TMCO5A: variants seen among roughly 807,000 people sequenced by gnomAD.
TMCO5A encodes the protein transmembrane and coiled-coil domain-containing protein 5A.
TMCO5A carries 34 observed loss-of-function variants against 42.3 expected under a neutral mutation model. The observed-to-expected ratio is 0.80, with a 90% confidence interval of 0.61 to 1.07. The LOEUF (loss-of-function observed/expected upper bound fraction) is 1.07. TMCO5A is among the 50% of genes least tolerant of loss of function. The probability of loss-of-function intolerance (pLI) is 0.00; values close to 1 mark genes in which losing one functional copy is unlikely to be tolerated. For synonymous variants in TMCO5A, 131 were observed against 115.6 expected (o/e 1.13, Z -0.86); for missense variants, 357 against 327.9 (o/e 1.09, Z -0.69).
chr15:38,012,803 A>G, the TMCO5A span, among the ~76,000 whole-genome samples: 6 of 152,212 alleles, frequency 3.9e-5, no homozygotes, highest in South Asian at 1.0e-3. Context: ...AAGTCAGGAG[A>G]CAGAAAGAAC....
chr15:37,996,515 C>T, the TMCO5A span, among the ~76,000 whole-genome samples: 1 of 152,180 alleles, frequency 6.6e-6, no homozygotes, highest in Non-Finnish European at 1.5e-5. Context: ...GAATTTAGAT[C>T]TTTCACTTAA....
chr15:37,958,813 T>C (rs1182138197), intron 11 of TMCO5A, among the ~76,000 whole-genome samples: 1 of 152,104 alleles, frequency 6.6e-6, no homozygotes, highest in African/African-American at 2.4e-5. Flanking sequence ...AAAAGACACA[T>C]GCACACGTAT....
rs770118676 is a variant in TMCO5A at position 37,951,196 on chromosome 15, T to C, written c.829T>C (p.Ser277Pro). The C allele has an allele frequency of 6.2e-7, 1 of 1,613,812 alleles. No homozygotes were observed. Among genetic ancestry groups the C allele is most frequent in the Admixed American group, 1.7e-5 (1 of 59,974 alleles). The change falls in exon 12 of 12, where the codon TCT becomes CCT. Residue 277 changes from serine (S) to proline (P), a missense_variant. Coordinates refer to ENST00000319669, the MANE Select transcript of TMCO5A (RefSeq NM_152453.4). ...LWKLRCFFFP[S>P]LTLETEDMLP... ...GAAGCTCAGATGCTTCTTCTTTCCA[T>C]CTCTCACACTTGAGACAGAGGACAT...
chr15:37,942,588 C>T (rs1889786340), intron 9 of TMCO5A: 1 of 218,318 alleles, frequency 4.6e-6, no homozygotes, highest in Non-Finnish European at 9.1e-6. Flanking sequence ...TAGGGTATTC[C>T]TTATATATCA....
At chr15:38,007,160 C>A in the TMCO5A span, among the ~76,000 whole-genome samples, 5 of 152,138 alleles carry the variant, frequency 3.3e-5, no homozygotes, top group Admixed American at 6.5e-5. Flanking sequence ...TGCCCATGAA[C>A]CATAGTTTAC....
chr15:38,036,488 TCTCTCTCTCA>T, the TMCO5A span, among the ~76,000 whole-genome samples: 112 of 81,742 alleles, frequency 1.4e-3, 2 homozygotes, highest in African/African-American at 7.6e-3. Flanking sequence ...TTTTTGTCTC[TCTCTCTCTCA>T]CACACACACA....
rs939275142 is a variant in TMCO5A, at chr15:37,964,001, A to G, written c.669-2624A>G. On this transcript the variant is annotated intron_variant, in intron 11 of 11. Coordinates refer to the TMCO5A transcript ENST00000559502. Reference sequence around the variant, plus strand: ...ACCTCCTGAATTCTTTTTCAGGTAAATCAGAGATTTTTTTTCTTGGTTTGA... The same window carrying G: ...ACCTCCTGAATTCTTTTTCAGGTAAGTCAGAGATTTTTTTTCTTGGTTTGA... 5.3e-5 allele frequency among the ~76,000 whole-genome samples: 8 copies of G among 152,144 alleles called. No homozygotes were observed. In the East Asian group the frequency reaches 9.7e-4, roughly 18 times the overall value.
At chr15:38,000,770 G>C in the TMCO5A span, among the ~76,000 whole-genome samples, 1 of 151,874 alleles carries the variant, frequency 6.6e-6, no homozygotes, top group Admixed American at 6.6e-5. Flanking sequence ...TGACTTGCTG[G>C]TCATTCAGAA....
intron 11 of TMCO5A, among the ~76,000 whole-genome samples, chr15:37,960,930 A>T (rs1890409379): frequency 6.6e-6 from 1 of 151,820 alleles, no homozygotes; most frequent in Admixed American, 6.6e-5. Context: ...CTGAATATAG[A>T]TTCTGAATAG....
At chr15:38,035,652 A>G in the TMCO5A span, among the ~76,000 whole-genome samples, 4 of 152,182 alleles carry the variant, frequency 2.6e-5, no homozygotes, top group East Asian at 7.7e-4. Context: ...GAATGCCTTA[A>G]GATTGACCAC....
At chr15:38,019,993 T>TA in the TMCO5A span, among the ~76,000 whole-genome samples, 16 of 151,234 alleles carry the variant, frequency 1.1e-4, no homozygotes, top group Admixed American at 4.0e-4. Context: ...TAAATGTAAT[T>TA]AAAAAAATTT....
At chr15:37,966,509 A>G (rs1890560357) in intron 11 of TMCO5A, 3 of 696,836 alleles carry the variant, frequency 4.3e-6, no homozygotes, top group African/African-American at 3.5e-5. Flanking sequence ...CACACCTACT[A>G]TGTACCCACA....
the TMCO5A span, among the ~76,000 whole-genome samples, chr15:38,016,856 G>C: frequency 6.6e-6 from 1 of 151,950 alleles, no homozygotes; most frequent in African/African-American, 2.4e-5. Flanking sequence ...AAAGAATAAA[G>C]TTTGTTGTTG....
the TMCO5A span, among the ~76,000 whole-genome samples, chr15:37,997,058 G>A: frequency 6.6e-6 from 1 of 152,188 alleles, no homozygotes; most frequent in African/African-American, 2.4e-5. Flanking sequence ...AGAATAACAA[G>A]GGGGTGGCAC....
the TMCO5A span, among the ~76,000 whole-genome samples, chr15:37,975,002 A>G: frequency 6.6e-6 from 1 of 151,868 alleles, no homozygotes; most frequent in East Asian, 1.9e-4. Flanking sequence ...TGTTTACACA[A>G]AAGTTACTTA....
chr15:37,945,864 C>A (rs974305048), intron 10 of TMCO5A, among the ~76,000 whole-genome samples: 4 of 152,070 alleles, frequency 2.6e-5, no homozygotes, highest in African/African-American at 9.7e-5. Context: ...TGCAGAAGCT[C>A]TTTAGTTTAA....
At chr15:38,036,696 G>A in the TMCO5A span, among the ~76,000 whole-genome samples, 1 of 152,024 alleles carries the variant, frequency 6.6e-6, no homozygotes, top group African/African-American at 2.4e-5. Context: ...TCATGGATCC[G>A]TCAAGACCCA....
intron 5 of TMCO5A, 76 bp from the exon 6 acceptor site, chr15:37,938,082 C>G: frequency 8.0e-7 from 1 of 1,254,074 alleles, no homozygotes. Context: ...GCCATAGTTA[C>G]TAATCTCCAC....
At chr15:38,003,156 T>C in the TMCO5A span, among the ~76,000 whole-genome samples, 431 of 152,280 alleles carry the variant, frequency 2.8e-3, no homozygotes, top group Non-Finnish European at 5.1e-3. Flanking sequence ...GAGTGAGACC[T>C]GAGAGAATTA....
Sources: gnomAD v4.1 joint callset for allele counts (sites outside exome capture counted in the v4.1 genomes callset) on GRCh38, gnomAD v4.1.1 for gene constraint, MANE v1.5 for transcripts, NCBI Gene and HGNC (gene_info 2026-07-23, HGNC 2026-07-21) for gene names.